SLC24A3: variants seen among roughly 807,000 people sequenced by gnomAD.
The protein encoded by SLC24A3 is sodium/potassium/calcium exchanger 3.
A neutral mutation model predicts 75.8 loss-of-function variants in SLC24A3; 28 were observed. The ratio of observed to expected loss-of-function variants is 0.37; its 90% CI spans 0.27 to 0.51. SLC24A3 has a LOEUF of 0.51. SLC24A3 is among the 20% of genes least tolerant of loss of function. The pLI is 0.94. For missense variants in SLC24A3, 663 were observed against 847.8 expected (o/e 0.78, Z 2.71); for synonymous variants, 372 against 334.1 (o/e 1.11, Z -1.24).
At chr20:19,558,033 C>T (rs910279333) in intron 3 of SLC24A3, among the ~76,000 whole-genome samples, 2 of 151,952 alleles carry the variant, frequency 1.3e-5, no homozygotes, top group Non-Finnish European at 1.5e-5. Flanking sequence ...GAACTAAATG[C>T]GTTGAAGCAT....
At chr20:19,425,188 A>G (rs908430403) in intron 2 of SLC24A3, among the ~76,000 whole-genome samples, 1 of 152,118 alleles carries the variant, frequency 6.6e-6, no homozygotes, top group South Asian at 2.1e-4. Flanking sequence ...CTGTAATCCC[A>G]GCTACTCAGG....
At chr20:19,679,284 C>T (rs1049749496) in intron 9 of SLC24A3, among the ~76,000 whole-genome samples, 2 of 152,196 alleles carry the variant, frequency 1.3e-5, no homozygotes, top group African/African-American at 4.8e-5. Context: ...GCGGATCACT[C>T]GCGGTTAGGA....
At chr20:19,539,277 C>T (rs541184083) in intron 3 of SLC24A3, among the ~76,000 whole-genome samples, 1 of 152,318 alleles carries the variant, frequency 6.6e-6, no homozygotes, top group East Asian at 1.9e-4. Context: ...GACATGGCAG[C>T]TCTGGCCACA....
chr20:19,428,743 T>C (rs753259789), intron 2 of SLC24A3, among the ~76,000 whole-genome samples: 6 of 152,214 alleles, frequency 3.9e-5, no homozygotes, highest in Non-Finnish European at 7.3e-5. Context: ...CCACGTGGTG[T>C]TGGGTACGTT....
At chr20:19,601,556 C>A (rs1212328729) in intron 6 of SLC24A3, among the ~76,000 whole-genome samples, 1 of 152,178 alleles carries the variant, frequency 6.6e-6, no homozygotes, top group Non-Finnish European at 1.5e-5. Flanking sequence ...TTGACAAAAC[C>A]AGGGAAGTCA....
chr20:19,427,615 C>G (rs994303182), intron 2 of SLC24A3, among the ~76,000 whole-genome samples: 1 of 152,234 alleles, frequency 6.6e-6, no homozygotes, highest in Non-Finnish European at 1.5e-5. Flanking sequence ...AAGCTGCTAT[C>G]GGGAACCCGG....
Position 19,411,038 on chromosome 20 carries a change from C to T in SLC24A3, c.272-104450C>T, listed in dbSNP as rs536018688. 5.3e-5 allele frequency among the ~76,000 whole-genome samples: 8 copies of T among 152,262 alleles called. No homozygotes were observed. The South Asian group carries it at 6.2e-4, about 12-fold the overall frequency. On this transcript the variant is annotated intron_variant, in intron 2 of 16. Coordinates refer to ENST00000328041, the MANE Select transcript of SLC24A3 (RefSeq NM_020689.4). ...GTGCCTAAGAATGGCCACACATTTA[C>T]GATTTGGTTTCTTAGTCCCTGCTTT...
chr20:19,272,180 G>A (rs1431761064), intron 1 of SLC24A3, among the ~76,000 whole-genome samples: 1 of 152,226 alleles, frequency 6.6e-6, no homozygotes, highest in African/African-American at 2.4e-5. Flanking sequence ...CCTCTGCCAG[G>A]CACTTGCAGG....
Position 19,232,059 on chromosome 20 carries a change from G to A in SLC24A3, c.142+19075G>A, listed in dbSNP as rs140802909. Among the ~76,000 whole-genome samples, 205 of 152,250 alleles carry A rather than the reference G, an allele frequency of 1.3e-3. 1 individual carries two copies. The highest frequency in any genetic ancestry group is 3.5e-3 in the African/African-American group (145 of 41,518). ...ATTAATTTTTTTCCCAGGTGACATT[G>A]TACCAACTAAATGGAAGCTAACTTT... On this transcript the variant is annotated intron_variant, in intron 1 of 16. Transcript: ENST00000328041.
At chr20:19,657,641 G>A (rs1235271486) in intron 7 of SLC24A3, among the ~76,000 whole-genome samples, 1 of 152,042 alleles carries the variant, frequency 6.6e-6, no homozygotes, top group Non-Finnish European at 1.5e-5. Context: ...AAACTCCCAG[G>A]GTCATTTTTC....
intron 2 of SLC24A3, among the ~76,000 whole-genome samples, chr20:19,423,823 T>A (rs1301355643): frequency 2.0e-5 from 3 of 152,152 alleles, no homozygotes; most frequent in Non-Finnish European, 4.4e-5. Flanking sequence ...TACTGTTTAG[T>A]GCAGGATGCC....
intron 6 of SLC24A3, among the ~76,000 whole-genome samples, chr20:19,631,222 T>G (rs963772324): frequency 1.3e-5 from 2 of 152,124 alleles, no homozygotes; most frequent in Admixed American, 6.5e-5. Context: ...TAGCGTAGGC[T>G]GGTAGTACCA....
At chr20:19,362,353 T>G (rs1360683412) in intron 2 of SLC24A3, among the ~76,000 whole-genome samples, 1 of 152,352 alleles carries the variant, frequency 6.6e-6, no homozygotes, top group East Asian at 1.9e-4. Context: ...GAGTTTGAAC[T>G]CTAGTGTGAC....
chr20:19,270,141 G>A (rs1983282888), intron 1 of SLC24A3, among the ~76,000 whole-genome samples: 1 of 152,102 alleles, frequency 6.6e-6, no homozygotes, highest in African/African-American at 2.4e-5. Context: ...AGCCCAGTTG[G>A]GGTGCACATT....
At chr20:19,260,909 C>T (rs530102639) in intron 1 of SLC24A3, among the ~76,000 whole-genome samples, 1 of 152,324 alleles carries the variant, frequency 6.6e-6, no homozygotes, top group African/African-American at 2.4e-5. Flanking sequence ...GACAGCCTGT[C>T]ATTGGAGAGG....
chr20:19,351,671 G>C (rs1257830096), intron 2 of SLC24A3, among the ~76,000 whole-genome samples: 5 of 152,076 alleles, frequency 3.3e-5, no homozygotes. Context: ...TGGACTGGAG[G>C]TTTGGCTTTG....
intron 1 of SLC24A3, among the ~76,000 whole-genome samples, chr20:19,256,768 C>CAAAA (rs11475395): frequency 1.2e-5 from 1 of 80,306 alleles, no homozygotes; most frequent in African/African-American, 4.0e-5. Context: ...GACGTTGTCT[C>CAAAA]AAAAAAAAAA....
intron 14 of SLC24A3, among the ~76,000 whole-genome samples, chr20:19,697,819 C>T (rs758320970): frequency 5.9e-5 from 9 of 152,108 alleles, no homozygotes; most frequent in East Asian, 1.9e-4. Context: ...GGTGTGAGCT[C>T]GGGAGTCACT....
At position 19,418,456 on chromosome 20, in the gene SLC24A3, A is replaced by AG. The variant is rs144694359; in HGVS notation, c.272-97027dup. Among the ~76,000 whole-genome samples, 1,429 of 152,226 alleles carry AG rather than the reference A, an allele frequency of 9.4e-3. 16 individuals carry two copies. Among genetic ancestry groups the AG allele is most frequent in the African/African-American group, 0.029 (1,191 of 41,532 alleles). On this transcript the variant is annotated intron_variant, in intron 2 of 16. Transcript: ENST00000328041. ...AAAACTACAATGGATGGAATAAAGT[A>AG]GGGGGAAAAAAATAAGAAAATTAGA...
Sources: gnomAD v4.1 joint callset for allele counts (sites outside exome capture counted in the v4.1 genomes callset) on GRCh38, gnomAD v4.1.1 for gene constraint, MANE v1.5 for transcripts, NCBI Gene and HGNC (gene_info 2026-07-23, HGNC 2026-07-21) for gene names.